SHC2: variants seen among roughly 807,000 people sequenced by gnomAD.
SHC2 encodes SHC adaptor protein 2, also known as SHC-transforming protein 2.
SHC2 carries 62 observed loss-of-function variants against 60.6 expected under a neutral mutation model. That is an observed-to-expected ratio of 1.02 (90% CI 0.83 to 1.26). SHC2 has a LOEUF of 1.26. SHC2 is among the 50% of genes most tolerant of loss of function. The probability of loss-of-function intolerance (pLI) is 0.00; values close to 1 mark genes in which losing one functional copy is unlikely to be tolerated. For missense variants in SHC2, 873 were observed against 822.2 expected, an observed-to-expected ratio of 1.06 and a Z score of -0.76; for synonymous variants, 375 against 372.4, an observed-to-expected ratio of 1.01 and a Z score of -0.08.
At chr19:457,958 G>C (rs956027258) in intron 1 of SHC2, among the ~76,000 whole-genome samples, 14 of 138,932 alleles carry the variant, frequency 1.0e-4, no homozygotes, top group African/African-American at 3.9e-4. Context: ...GGGTCCCGGG[G>C]AGGCGGAAGC....
rs763527201 is a variant in SHC2 at position 425,279 on chromosome 19, G to A, written c.1175-48C>T. The A allele has an allele frequency of 2.3e-6, 3 of 1,299,716 alleles. No individual in the cohort carries two copies. The highest frequency in any genetic ancestry group is 1.5e-5 in the African/African-American group (1 of 66,290). The allele number at this position is 1,299,716 out of a possible 1,614,324, so 80.5% of individuals were successfully genotyped here. Reference sequence around the variant, plus strand: ...GGGGGTCAGCTGGGAGCCAGGCGAGGGGCTCGCAGGGAGCAAGGCGGGGTC... The same window carrying A: ...GGGGGTCAGCTGGGAGCCAGGCGAGAGGCTCGCAGGGAGCAAGGCGGGGTC... On this transcript the variant is annotated intron_variant, in intron 9 of 12. Transcript: ENST00000264554. The surrounding 1 kb of genome is among the most constrained non-coding windows in gnomAD (Gnocchi z 4.1).
In SHC2 at chr19:438,961, C is replaced by T; in HGVS notation, c.600+9G>A. 1 of 1,598,184 alleles carries T rather than the reference C, an allele frequency of 6.3e-7. No homozygotes were observed. The highest frequency in any genetic ancestry group is 8.5e-7 in the Non-Finnish European group (1 of 1,172,974). On this transcript the variant is annotated intron_variant, in intron 3 of 12. Transcript: ENST00000264554. This position sits in a 1 kb window ranked among gnomAD's most constrained non-coding sequence, Gnocchi z 5.0. ...ACCAGCCCCACGAGAGACCACAAGCCTCACTCACCTTTTTCTTCCAGGATC... is the reference window on the plus strand; with the variant it reads ...ACCAGCCCCACGAGAGACCACAAGCTTCACTCACCTTTTTCTTCCAGGATC...
In SHC2 at chr19:440,504, G is replaced by GAGGTCACCGTGTGGAAAACA. The variant is rs1230076879; in HGVS notation, c.539+338_539+357dup. 2.6e-5 allele frequency among the ~76,000 whole-genome samples: 4 copies of GAGGTCACCGTGTGGAAAACA among 152,158 alleles called. No homozygotes were observed. Among genetic ancestry groups the GAGGTCACCGTGTGGAAAACA allele is most frequent in the Admixed American group, 2.6e-4 (4 of 15,282 alleles). ...CTTTCCAGACACCGCATAGCATCCTGAGGTCACCGTGTGGAAAACAGAGCA... is the reference window on the plus strand; with the variant it reads ...CTTTCCAGACACCGCATAGCATCCTGAGGTCACCGTGTGGAAAACAAGGTCACCGTGTGGAAAACAGAGCA... On this transcript the variant is annotated intron_variant, in intron 2 of 12. Transcript: ENST00000264554. This position sits in a 1 kb window ranked among gnomAD's most constrained non-coding sequence, Gnocchi z 7.0.
At chr19:427,091 A>G (rs1974435296) in intron 9 of SHC2, among the ~76,000 whole-genome samples, 1 of 152,240 alleles carries the variant, frequency 6.6e-6, no homozygotes, top group Non-Finnish European at 1.5e-5. Context: ...ACCAGAGCAC[A>G]GCTGGGCACC....
chr19:442,705 G>A (rs1307704332), intron 1 of SHC2, among the ~76,000 whole-genome samples: 15 of 100,570 alleles, frequency 1.5e-4, no homozygotes, highest in African/African-American at 2.4e-4. Flanking sequence ...ACGGGTGGAC[G>A]GATGGCTGGA....
chr19:448,719 A>G (rs1975105944), intron 1 of SHC2, among the ~76,000 whole-genome samples: 1 of 152,132 alleles, frequency 6.6e-6, no homozygotes, highest in African/African-American at 2.4e-5. Flanking sequence ...CCTGCCAAAA[A>G]CACAACCTCG....
chr19:451,031 G>A (rs1473595499), intron 1 of SHC2, among the ~76,000 whole-genome samples: 79 of 134,458 alleles, frequency 5.9e-4, no homozygotes, highest in African/African-American at 2.0e-3. Context: ...GGATGGCCAC[G>A]CCGTGGCCAC....
rs143534494 is a variant in SHC2 at position 422,738 on chromosome 19, A to G, written c.1310-282T>C. The G allele has an allele frequency of 1.1e-3, 378 of 351,754 alleles. 1 individual carries two copies. The highest frequency in any genetic ancestry group is 7.5e-3 in the African/African-American group (358 of 47,632). 21.8% of individuals were successfully genotyped at this position (351,754 alleles called of 1,614,324 possible). On this transcript the variant is annotated intron_variant, in intron 10 of 12. Transcript: ENST00000264554. The surrounding 1 kb of genome is among the most constrained non-coding windows in gnomAD (Gnocchi z 5.0). Reference sequence around the variant, plus strand: ...CTCTTTCTTTCAGAGGTTAACTCCTATTTCTTTTTCCTGCCTTGTCAGGTG... The same window carrying G: ...CTCTTTCTTTCAGAGGTTAACTCCTGTTTCTTTTTCCTGCCTTGTCAGGTG...
chr19:429,979 C>T lies in SHC2; in HGVS notation c.1174+705G>A, dbSNP rs1217358256. ...CTAATACCATGTGGATGACGCAGTACCTATACCCAACATGCACGGAAACCT... is the reference window on the plus strand; with the variant it reads ...CTAATACCATGTGGATGACGCAGTATCTATACCCAACATGCACGGAAACCT... On this transcript the variant is annotated intron_variant, in intron 9 of 12. Coordinates refer to ENST00000264554, the MANE Select transcript of SHC2 (RefSeq NM_012435.3). Among the ~76,000 whole-genome samples, 11 of 147,128 alleles carry T rather than the reference C, an allele frequency of 7.5e-5. No homozygotes were observed. The East Asian group carries it at 1.0e-3, about 14-fold the overall frequency.
chr19:418,922 C>T lies in SHC2; in HGVS notation c.*5+1G>A, dbSNP rs776587474. On this transcript the variant is annotated splice_donor_variant, in intron 12 of 12. Coordinates refer to ENST00000264554, the MANE Select transcript of SHC2 (RefSeq NM_012435.3). LOFTEE classifies it low-confidence loss of function (3UTR_SPLICE). ...AGCGACCCACGGCGGCAGCCACACA[C>T]CTGGCTCAGGGCTCCCGTGAGACCA... The T allele has an allele frequency of 1.3e-5, 20 of 1,582,014 alleles. No homozygotes were observed. In the South Asian group the frequency reaches 2.2e-4, roughly 17 times the overall value.
rs1362331359 is a variant in SHC2 at position 416,988 on chromosome 19, AACCAGC to A, written c.*334_*339del. The A allele has an allele frequency of 6.5e-6, 1 of 152,732 alleles. No individual in the cohort carries two copies. The highest frequency in any genetic ancestry group is 2.4e-5 in the African/African-American group (1 of 41,464). The allele number at this position is 152,732 out of a possible 1,614,324, so 9.5% of individuals were successfully genotyped here. A position where few individuals can be genotyped will look rare whatever the true frequency, so the allele number is the denominator to read the frequency against. On this transcript the variant is annotated 3_prime_UTR_variant, in exon 13 of 13. Transcript: ENST00000264554. ...CCTGACTCTCCGGGGCGTTAGACCG[AACCAGC>A]CAGGCGAGAGGGGGACCCAAGGGCC...
chr19:459,488 C>T (rs1975485782), intron 1 of SHC2, among the ~76,000 whole-genome samples: 1 of 148,026 alleles, frequency 6.8e-6, no homozygotes, highest in Non-Finnish European at 1.5e-5. Context: ...GGGGGAAGGA[C>T]CCCACTGAAC....
rs1372080397 is a variant in SHC2 at position 440,658 on chromosome 19, G to C, written c.539+204C>G. Among the ~76,000 whole-genome samples the C allele has an allele frequency of 6.6e-6, 1 of 152,238 alleles. No homozygotes were observed. Among genetic ancestry groups the C allele is most frequent in the Non-Finnish European group, 1.5e-5 (1 of 68,040 alleles). On this transcript the variant is annotated intron_variant, in intron 2 of 12. Transcript: ENST00000264554. This position sits in a 1 kb window ranked among gnomAD's most constrained non-coding sequence, Gnocchi z 7.0. ...TGTTCTTTCCATCTTAGAGGATCGA[G>C]GTCTGCAGGGCACGGTGACCGACAC...
intron 1 of SHC2, among the ~76,000 whole-genome samples, chr19:448,683 G>A (rs1407741303): frequency 6.6e-6 from 1 of 152,146 alleles, no homozygotes; most frequent in Non-Finnish European, 1.5e-5. Context: ...CGAAGGGCTG[G>A]GAAAACACAG....
At chr19:439,149 G>A (rs1049722623) in intron 2 of SHC2, 119 bp from the exon 3 acceptor site, 6 of 277,216 alleles carry the variant, frequency 2.2e-5, no homozygotes, top group Admixed American at 4.4e-5. Flanking sequence ...AGAGAAGGGC[G>A]AGAGAGAGGG....
intron 12 of SHC2, among the ~76,000 whole-genome samples, chr19:417,932 C>T (rs964691275): frequency 2.3e-4 from 35 of 152,142 alleles, no homozygotes; most frequent in African/African-American, 7.0e-4. Context: ...GGCCCAGAAG[C>T]GCAGCCCTTG....
rs1974388896 is a variant in SHC2 at position 425,344 on chromosome 19, T to C, written c.1175-113A>G. ...CCCGGCCACCACCTGTGCTGCTGGC[T>C]GCAGGGCGGATGCTGCTCTGGTCTC... On this transcript the variant is annotated intron_variant, in intron 9 of 12. Transcript: ENST00000264554. This position sits in a 1 kb window ranked among gnomAD's most constrained non-coding sequence, Gnocchi z 4.1. 1.1e-6 allele frequency: 1 copy of C among 904,892 alleles called. No homozygotes were observed. Among genetic ancestry groups the C allele is most frequent in the African/African-American group, 1.7e-5 (1 of 58,426 alleles). 56.1% of individuals were successfully genotyped at this position (904,892 alleles called of 1,614,324 possible). A position where few individuals can be genotyped will look rare whatever the true frequency, so the allele number is the denominator to read the frequency against.
intron 1 of SHC2, among the ~76,000 whole-genome samples, chr19:442,666 GATGA>G (rs1974916141): frequency 1.1e-5 from 1 of 88,226 alleles, no homozygotes; most frequent in Non-Finnish European, 1.9e-5. Context: ...TGGGTGGGTG[GATGA>G]GTGGATGGGT....
intron 7 of SHC2, 58 bp from the exon 8 acceptor site, chr19:434,923 T>C: frequency 6.5e-7 from 1 of 1,539,114 alleles, no homozygotes; most frequent in Non-Finnish European, 8.7e-7. Context: ...GCTAAAGCCT[T>C]ACGGCTTGAG....
Sources: allele counts gnomAD v4.1 joint callset (sites outside exome capture counted in the v4.1 genomes callset), GRCh38; gene constraint gnomAD v4.1.1; non-coding constraint Gnocchi (gnomAD v3.1); transcripts MANE v1.5; gene names NCBI Gene and HGNC (gene_info 2026-07-23, HGNC 2026-07-21).